PHOSPHO2: variants seen among roughly 807,000 people sequenced by gnomAD.
PHOSPHO2 encodes the protein pyridoxal phosphate phosphatase PHOSPHO2.
In PHOSPHO2, 14 loss-of-function variants were observed where a neutral mutation model predicts 16.4. That is an observed-to-expected ratio of 0.85 (90% confidence interval 0.56 to 1.33). PHOSPHO2 has a LOEUF of 1.33. Among genes scored for constraint, PHOSPHO2 ranks in the 40% most tolerant of loss-of-function variants. The pLI, the probability that PHOSPHO2 is intolerant of heterozygous loss-of-function variation, is 0.00. For missense variants in PHOSPHO2, 246 were observed against 282.5 expected (o/e 0.87, Z 0.93); for synonymous variants, 85 against 90.5 (o/e 0.94, Z 0.34).
In PHOSPHO2 at chr2:169,701,192, T is replaced by A. The variant is rs1385778122; in HGVS notation, c.221T>A (p.Phe74Tyr). The change falls in exon 4 of 4, where the codon TTC becomes TAC. Residue 74 changes from phenylalanine to tyrosine, a missense_variant. Physicochemically the swap from Phe to Tyr is conservative, Grantham distance 22. Coordinates refer to ENST00000359744, the MANE Select transcript of PHOSPHO2 (RefSeq NM_001008489.4). ...EMKRAVTSLP[F>Y]TPGMVELFNF... ...AAAAGAGCAGTGACATCATTGCCTT[T>A]CACTCCAGGGATGGTGGAACTCTTC... 3.7e-6 allele frequency: 6 copies of A among 1,614,066 alleles called. No homozygotes were observed. The South Asian group carries it at 6.6e-5, about 18-fold the overall frequency.
intron 2 of PHOSPHO2, among the ~76,000 whole-genome samples, chr2:169,696,402 C>T (rs1432941707): frequency 1.3e-5 from 2 of 152,168 alleles, no homozygotes; most frequent in South Asian, 2.1e-4. Flanking sequence ...TTTTCTAAAA[C>T]AAAAACAGGA....
rs1339684193 is a variant in PHOSPHO2 at position 169,698,774 on chromosome 2, C to G, written c.-27+1243C>G. 3.9e-5 allele frequency among the ~76,000 whole-genome samples: 6 copies of G among 152,232 alleles called. No individual in the cohort carries two copies. In the South Asian group the frequency reaches 1.2e-3, roughly 32 times the overall value. ...AGAGACATAAGTAATTGTCACACCA[C>G]AAACAGTATGATTACTCAGGTGTAT... On this transcript the variant is annotated intron_variant, in intron 3 of 3. Coordinates refer to ENST00000359744, the MANE Select transcript of PHOSPHO2 (RefSeq NM_001008489.4).
Position 169,700,983 on chromosome 2 carries a change from G to C in PHOSPHO2, c.12G>C (p.Leu4Phe). ...CTATTTCTGGAACCATGAAAATTTT[G>C]CTAGTTTTTGACTTTGACAATACAA... Reference protein sequence around the residue: MKILLVFDFDNTII... With the variant: MKIFLVFDFDNTII... Residue 4 changes from leucine (L) to phenylalanine (F), a missense_variant, in exon 4 of 4, where the codon TTG (leucine) becomes TTC (phenylalanine). By Grantham distance (22) the Leu-to-Phe change is conservative (BLOSUM62 0). Coordinates refer to ENST00000359744, the MANE Select transcript of PHOSPHO2 (RefSeq NM_001008489.4). 1 of 1,588,094 alleles carries C rather than the reference G, an allele frequency of 6.3e-7. No individual in the cohort carries two copies. Among genetic ancestry groups the C allele is most frequent in the East Asian group, 2.2e-5 (1 of 44,512 alleles).
chr2:169,699,088 C>G (rs1344112241), intron 3 of PHOSPHO2, among the ~76,000 whole-genome samples: 1 of 151,236 alleles, frequency 6.6e-6, no homozygotes, highest in Non-Finnish European at 1.5e-5. Context: ...AGTGTGTGCC[C>G]TGATGGTTTG....
At chr2:169,695,409 G>A (rs1166520893) in intron 2 of PHOSPHO2, among the ~76,000 whole-genome samples, 162 bp downstream of exon 2, 1 of 152,208 alleles carries the variant, frequency 6.6e-6, no homozygotes, top group Non-Finnish European at 1.5e-5. Context: ...GGCCGAGGCG[G>A]GCGGATCACG....
rs559564920 is a variant in PHOSPHO2, at chr2:169,698,231, A to G, written c.-27+700A>G. ...AAAATGGTTATAAAGAGTATCACAG[A>G]TGTGGTGTTATGGTTAGTGTGTACT... On this transcript the variant is annotated intron_variant, in intron 3 of 3. Coordinates refer to ENST00000359744, the MANE Select transcript of PHOSPHO2 (RefSeq NM_001008489.4). 4.6e-5 allele frequency: 7 copies of G among 152,308 alleles called. No individual in the cohort carries two copies. In the East Asian group the frequency reaches 1.3e-3, roughly 29 times the overall value. The allele number at this position is 152,308 out of a possible 1,614,324, so 9.4% of individuals were successfully genotyped here.
Position 169,701,045 on chromosome 2 carries a change from G to A in PHOSPHO2, c.74G>A (p.Cys25Tyr). ...DDNSDTWIVQCAPNKKLPIEL... is the reference protein window; with the variant it reads ...DDNSDTWIVQYAPNKKLPIEL... ...AATAGTGACACTTGGATTGTACAAT[G>A]TGCTCCCAACAAAAAGCTTCCTATT... The change falls in exon 4 of 4, where the codon TGT becomes TAT. Residue 25 changes from cysteine to tyrosine, a missense_variant. Cys to Tyr is a radical substitution (Grantham distance 194, BLOSUM62 -2). Coordinates refer to ENST00000359744, the MANE Select transcript of PHOSPHO2 (RefSeq NM_001008489.4). 1.2e-6 allele frequency: 2 copies of A among 1,613,722 alleles called. No homozygotes were observed. The highest frequency in any genetic ancestry group is 1.1e-5 in the South Asian group (1 of 91,074).
At chr2:169,698,466 T>C (rs1687629557) in intron 3 of PHOSPHO2, among the ~76,000 whole-genome samples, 1 of 152,166 alleles carries the variant, frequency 6.6e-6, no homozygotes, top group African/African-American at 2.4e-5. Flanking sequence ...AAGATCCAGC[T>C]TATATATCTT....
intron 3 of PHOSPHO2, among the ~76,000 whole-genome samples, 173 bp downstream of exon 3, chr2:169,697,704 A>C (rs1396889089): frequency 6.6e-6 from 1 of 152,218 alleles, no homozygotes; most frequent in Non-Finnish European, 1.5e-5. Flanking sequence ...AATTAAGTTT[A>C]GGTTTGAGGC....
rs201014550 is a variant in PHOSPHO2, at chr2:169,701,473, G to A, written c.502G>A (p.Gly168Arg). Residue 168 changes from glycine (G) to arginine (R), a missense_variant, in exon 4 of 4, where the codon GGA becomes AGA. Transcript: ENST00000359744. ...IEFVDKQLQQ[G>R]VNYTQIVYIG... ...ATTTGTAGATAAACAGTTACAACAG[G>A]GAGTGAATTATACACAAATTGTTTA... 2.5e-5 allele frequency: 41 copies of A among 1,612,414 alleles called. No homozygotes were observed. The highest frequency in any genetic ancestry group is 3.5e-5 in the Non-Finnish European group (41 of 1,179,582).
intron 3 of PHOSPHO2, chr2:169,698,246 T>G (rs1487314831): frequency 6.6e-6 from 1 of 152,244 alleles, no homozygotes; most frequent in Non-Finnish European, 1.5e-5. Flanking sequence ...GTGTTATGGT[T>G]AGTGTGTACT....
chr2:169,701,457 T>A lies in PHOSPHO2; in HGVS notation c.486T>A (p.Asp162Glu). ...AGGTAGTTTTGATAGAATTTGTAGA[T>A]AAACAGTTACAACAGGGAGTGAATT... ...CKKVVLIEFV[D>E]KQLQQGVNYT... Residue 162 changes from aspartate to glutamate, a missense_variant, in exon 4 of 4, where the codon GAT (aspartate) becomes GAA (glutamate). Transcript: ENST00000359744. The A allele has an allele frequency of 1.2e-6, 2 of 1,612,536 alleles. No individual in the cohort carries two copies. Among genetic ancestry groups the A allele is most frequent in the Non-Finnish European group, 1.7e-6 (2 of 1,179,614 alleles).
intron 2 of PHOSPHO2, among the ~76,000 whole-genome samples, chr2:169,696,237 C>A (rs1229233838): frequency 6.6e-6 from 1 of 152,124 alleles, no homozygotes; most frequent in Non-Finnish European, 1.5e-5. Flanking sequence ...TCTTTTATTT[C>A]TTTGTTGTGA....
intron 2 of PHOSPHO2, among the ~76,000 whole-genome samples, chr2:169,696,184 C>T (rs1687524681): frequency 6.6e-6 from 1 of 152,160 alleles, no homozygotes. Flanking sequence ...TGTGGATTGT[C>T]ACAACCAAGT....
intron 3 of PHOSPHO2, among the ~76,000 whole-genome samples, chr2:169,698,581 AATT>A (rs902797571): frequency 1.1e-4 from 16 of 152,166 alleles, no homozygotes; most frequent in Non-Finnish European, 1.6e-4. Flanking sequence ...TGACTCTCAA[AATT>A]ATTATTATTA....
chr2:169,697,047 G>A (rs1171518372), intron 2 of PHOSPHO2, among the ~76,000 whole-genome samples: 3 of 148,512 alleles, frequency 2.0e-5, no homozygotes, highest in African/African-American at 7.5e-5. Flanking sequence ...ACGGAGTCTC[G>A]CTCTGTTGCC....
intron 2 of PHOSPHO2, among the ~76,000 whole-genome samples, chr2:169,696,364 C>T (rs893021156): frequency 1.3e-5 from 2 of 152,166 alleles, no homozygotes; most frequent in African/African-American, 4.8e-5. Context: ...TTGAACCAAC[C>T]ATAACCATCC....
chr2:169,699,222 G>C (rs550931993), intron 3 of PHOSPHO2, among the ~76,000 whole-genome samples: 2 of 147,262 alleles, frequency 1.4e-5, no homozygotes, highest in Admixed American at 1.4e-4. Context: ...CCTTCCACGT[G>C]TTCTCATGAT....
At chr2:169,698,724 A>C (rs2105596563) in intron 3 of PHOSPHO2, among the ~76,000 whole-genome samples, 1 of 152,272 alleles carries the variant, frequency 6.6e-6, no homozygotes, top group South Asian at 2.1e-4. Flanking sequence ...ATAATTAATC[A>C]CCTTCATTAT....
Sources: gnomAD v4.1 joint callset for allele counts (sites outside exome capture counted in the v4.1 genomes callset) on GRCh38, gnomAD v4.1.1 for gene constraint, MANE v1.5 for transcripts, NCBI Gene and HGNC (gene_info 2026-07-23, HGNC 2026-07-21) for gene names.